Variants in PRKN observed in about 807,000 individuals in gnomAD.
PRKN encodes the protein parkin RBR E3 ubiquitin protein ligase.
A neutral mutation model predicts 59.5 loss-of-function variants in PRKN; 56 were observed. The ratio of observed to expected loss-of-function variants is 0.94; its 90% CI spans 0.76 to 1.18. The LOEUF (loss-of-function observed/expected upper bound fraction) is 1.18, where lower values mean the gene tolerates loss of function less well. Ranked by LOEUF, PRKN falls within the 50% of genes most tolerant of loss-of-function variation. The pLI is 0.00. For synonymous variants in PRKN, 250 were observed against 222.1 expected, an observed-to-expected ratio of 1.13 and a Z score of -1.12; for missense variants, 657 against 596.4, an observed-to-expected ratio of 1.10 and a Z score of -1.06.
At chr6:162,221,778 A>G (rs951106854) in intron 3 of PRKN, among the ~76,000 whole-genome samples, 1 of 152,238 alleles carries the variant, frequency 6.6e-6, no homozygotes. Context: ...AAAGATTTTC[A>G]GCAGATGCAA....
intron 7 of PRKN, among the ~76,000 whole-genome samples, chr6:161,608,534 T>C (rs775174005): frequency 6.6e-6 from 1 of 151,878 alleles, no homozygotes; most frequent in Non-Finnish European, 1.5e-5. Flanking sequence ...TCATACTATA[T>C]TTAATTTTTT....
At chr6:162,215,583 C>A (rs1777612421) in intron 3 of PRKN, among the ~76,000 whole-genome samples, 1 of 152,036 alleles carries the variant, frequency 6.6e-6, no homozygotes, top group South Asian at 2.1e-4. Flanking sequence ...CCACATCATG[C>A]AGGGAAGGTT....
chr6:162,041,503 C>T (rs555414410), intron 5 of PRKN, among the ~76,000 whole-genome samples: 6 of 152,206 alleles, frequency 3.9e-5, no homozygotes, highest in Admixed American at 3.3e-4. Context: ...ATTCCCCCAC[C>T]TCTCTCTCTT....
Position 162,427,588 on chromosome 6 carries a change from T to C in PRKN, c.171+15722A>G, listed in dbSNP as rs114143954. On this transcript the variant is annotated intron_variant, in intron 2 of 11. Coordinates refer to ENST00000366898, the MANE Select transcript of PRKN (RefSeq NM_004562.3). The stretch of plus-strand genomic sequence containing the variant: ...GTAACATCATATCATTTATTTAAAG[T>C]TTAAAAGCATGCAAATTAGCAGTAT... 5.1e-3 allele frequency among the ~76,000 whole-genome samples: 778 copies of C among 152,270 alleles called. 6 individuals carry two copies. Among genetic ancestry groups the C allele is most frequent in the African/African-American group, 0.018 (746 of 41,554 alleles).
intron 2 of PRKN, among the ~76,000 whole-genome samples, chr6:162,347,127 T>C (rs558209429): frequency 3.3e-5 from 5 of 151,150 alleles, no homozygotes; most frequent in African/African-American, 1.2e-4. Context: ...TTTTTCTTTG[T>C]TGATGTCTGG....
At chr6:161,779,435 C>CTTTCCTTTTTTT (rs1234367519) in intron 7 of PRKN, among the ~76,000 whole-genome samples, 9 of 40,426 alleles carry the variant, frequency 2.2e-4, no homozygotes, top group Non-Finnish European at 4.4e-4. Flanking sequence ...TTTTTCTTTT[C>CTTTCCTTTTTTT]TTTTCTTTTT....
intron 7 of PRKN, among the ~76,000 whole-genome samples, chr6:161,670,238 G>C (rs1002683332): frequency 2.6e-5 from 4 of 152,156 alleles, no homozygotes; most frequent in African/African-American, 9.7e-5. Flanking sequence ...AGGAGAGGAG[G>C]TAGGAGATAA....
At chr6:162,168,928 A>G (rs1222678688) in intron 4 of PRKN, among the ~76,000 whole-genome samples, 1 of 152,112 alleles carries the variant, frequency 6.6e-6, no homozygotes, top group Non-Finnish European at 1.5e-5. Flanking sequence ...TTAAAAGCTT[A>G]TTGTTACCCA....
intron 3 of PRKN, among the ~76,000 whole-genome samples, chr6:162,202,965 A>C (rs1784792519): frequency 2.0e-5 from 3 of 152,232 alleles, no homozygotes; most frequent in Non-Finnish European, 4.4e-5. Context: ...GTAAAGGTCA[A>C]ACAATAAAAA....
chr6:161,630,299 G>A (rs933771285), intron 7 of PRKN, among the ~76,000 whole-genome samples: 1 of 152,030 alleles, frequency 6.6e-6, no homozygotes, highest in Non-Finnish European at 1.5e-5. Flanking sequence ...GTTTGAAAAC[G>A]TGGCCAATCA....
chr6:161,436,481 T>C (rs1788922558), intron 9 of PRKN, among the ~76,000 whole-genome samples: 1 of 150,956 alleles, frequency 6.6e-6, no homozygotes, highest in African/African-American at 2.4e-5. Context: ...GGGCGGAGAG[T>C]GCAAATAATG....
At chr6:161,450,763 G>A (rs1367784949) in intron 9 of PRKN, among the ~76,000 whole-genome samples, 3 of 152,110 alleles carry the variant, frequency 2.0e-5, no homozygotes, top group Non-Finnish European at 4.4e-5. Context: ...CACTGTGTTA[G>A]CCAGGATGGT....
Position 162,056,829 on chromosome 6 carries a change from G to A in PRKN, c.535-2655C>T, listed in dbSNP as rs1777886114. 6.6e-6 allele frequency among the ~76,000 whole-genome samples: 1 copy of A among 152,132 alleles called. No individual in the cohort carries two copies. Among genetic ancestry groups the A allele is most frequent in the Non-Finnish European group, 1.5e-5 (1 of 68,050 alleles). Reference sequence around the variant, plus strand: ...GTTCCCACTAAAATCGCTGGGCACTGACTCTCCATTGAGCTTCCTGGCAGA... The same window carrying A: ...GTTCCCACTAAAATCGCTGGGCACTAACTCTCCATTGAGCTTCCTGGCAGA... On this transcript the variant is annotated intron_variant, in intron 4 of 11. Coordinates refer to ENST00000366898, the MANE Select transcript of PRKN (RefSeq NM_004562.3). This position sits in a 1 kb window ranked among gnomAD's most constrained non-coding sequence, Gnocchi z 4.9.
intron 9 of PRKN, among the ~76,000 whole-genome samples, chr6:161,531,225 C>T (rs1779197447): frequency 6.6e-6 from 1 of 151,600 alleles, no homozygotes; most frequent in Non-Finnish European, 1.5e-5. Flanking sequence ...ACTAAAAATA[C>T]AAAAAATTAG....
chr6:162,443,008 G>A (rs1790131974), intron 2 of PRKN, among the ~76,000 whole-genome samples: 1 of 152,168 alleles, frequency 6.6e-6, no homozygotes, highest in African/African-American at 2.4e-5. Context: ...AAATTGAACA[G>A]ACACAGAAAT....
intron 4 of PRKN, among the ~76,000 whole-genome samples, chr6:162,181,299 C>A (rs1464519129): frequency 6.6e-6 from 1 of 152,306 alleles, no homozygotes; most frequent in South Asian, 2.1e-4. Flanking sequence ...ATAAATCACA[C>A]AAACCATTTG....
At chr6:162,670,562 A>AG (rs1185963736) in intron 1 of PRKN, among the ~76,000 whole-genome samples, 2 of 152,178 alleles carry the variant, frequency 1.3e-5, no homozygotes, top group Middle Eastern at 3.2e-3. Context: ...TGGCTTTCGT[A>AG]GGGGACAAAT....
At chr6:162,414,018 C>T (rs1193841796) in intron 2 of PRKN, among the ~76,000 whole-genome samples, 1 of 151,982 alleles carries the variant, frequency 6.6e-6, no homozygotes, top group Non-Finnish European at 1.5e-5. Context: ...CCTGTCTCTA[C>T]TAAAAATACA....
chr6:162,496,830 C>T (rs1793085703), intron 1 of PRKN, among the ~76,000 whole-genome samples: 1 of 152,150 alleles, frequency 6.6e-6, no homozygotes, highest in Non-Finnish European at 1.5e-5. Context: ...ATATGAAATA[C>T]TTGTAACTAT....
Sources: gnomAD v4.1 joint callset for allele counts (sites outside exome capture counted in the v4.1 genomes callset) on GRCh38, gnomAD v4.1.1 for gene constraint, Gnocchi (gnomAD v3.1) non-coding constraint, MANE v1.5 for transcripts, NCBI Gene and HGNC (gene_info 2026-07-23, HGNC 2026-07-21) for gene names.